Variants in MCTP1 observed in about 807,000 individuals in gnomAD.
The protein encoded by MCTP1 is multiple C2 and transmembrane domain-containing protein 1.
Under a neutral mutation model 120.6 loss-of-function variants are expected in MCTP1, and 69 were observed. The ratio of observed to expected loss-of-function variants is 0.57; its 90% CI spans 0.47 to 0.70. MCTP1 has a LOEUF of 0.70. MCTP1 is among the 30% of genes least tolerant of loss of function. MCTP1 has a pLI of 0.00. For synonymous variants in MCTP1, 529 were observed against 493.1 expected, an observed-to-expected ratio of 1.07 and a Z score of -0.96; for missense variants, 1,203 against 1,248.8, an observed-to-expected ratio of 0.96 and a Z score of 0.55.
chr5:94,737,766 C>T (rs1456609115), intron 19 of MCTP1, among the ~76,000 whole-genome samples: 2 of 152,202 alleles, frequency 1.3e-5, no homozygotes, highest in Non-Finnish European at 2.9e-5. Flanking sequence ...ACCTTTGCCT[C>T]TGGGGCTCAA....
intron 12 of MCTP1, among the ~76,000 whole-genome samples, chr5:94,886,446 T>C (rs1374508701): frequency 2.6e-5 from 4 of 152,206 alleles, no homozygotes. Flanking sequence ...TTTAACTTTA[T>C]GTTCAGATCA....
intron 1 of MCTP1, among the ~76,000 whole-genome samples, chr5:95,264,716 G>A (rs1053543503): frequency 3.3e-5 from 5 of 152,194 alleles, no homozygotes; most frequent in South Asian, 2.1e-4. Flanking sequence ...GACAGAGTGA[G>A]GGTCCAAATC....
chr5:94,853,428 T>C (rs940983384), intron 17 of MCTP1, among the ~76,000 whole-genome samples: 3 of 151,960 alleles, frequency 2.0e-5, no homozygotes, highest in Non-Finnish European at 2.9e-5. Context: ...TTTGCAGCTA[T>C]GATGTTTCAT....
chr5:94,871,918 G>A (rs991717831), intron 13 of MCTP1, among the ~76,000 whole-genome samples: 1 of 151,972 alleles, frequency 6.6e-6, no homozygotes, highest in Non-Finnish European at 1.5e-5. Flanking sequence ...CGTAGTTTCT[G>A]TTAGATTTAT....
chr5:94,826,762 G>T, intron 17 of MCTP1: 2 of 142,202 alleles, frequency 1.4e-5, no homozygotes, highest in South Asian at 1.9e-4. Context: ...GAGTAGGGTT[G>T]TGACCCCTGC....
intron 1 of MCTP1, among the ~76,000 whole-genome samples, chr5:95,179,350 C>T (rs369940578): frequency 6.6e-6 from 1 of 152,092 alleles, no homozygotes; most frequent in African/African-American, 2.4e-5. Context: ...AAATTCATTA[C>T]AAAAAGATCA....
intron 2 of MCTP1, among the ~76,000 whole-genome samples, chr5:94,977,576 A>G (rs1248862149): frequency 6.6e-6 from 1 of 152,150 alleles, no homozygotes; most frequent in Non-Finnish European, 1.5e-5. Flanking sequence ...AAAATATATT[A>G]CAAAGCTACA....
chr5:95,219,575 C>T (rs1005093850), intron 1 of MCTP1, among the ~76,000 whole-genome samples: 9 of 152,032 alleles, frequency 5.9e-5, no homozygotes, highest in Admixed American at 4.6e-4. Flanking sequence ...TTTAGGTCTC[C>T]ACTGCTACGA....
intron 1 of MCTP1, among the ~76,000 whole-genome samples, chr5:95,103,090 C>T (rs893458972): frequency 6.6e-6 from 1 of 151,768 alleles, no homozygotes; most frequent in Non-Finnish European, 1.5e-5. Context: ...ATATACTTAA[C>T]AAAGACTGTT....
At chr5:95,212,735 G>T (rs1371667580) in intron 1 of MCTP1, among the ~76,000 whole-genome samples, 1 of 151,826 alleles carries the variant, frequency 6.6e-6, no homozygotes, top group Non-Finnish European at 1.5e-5. Context: ...ATGTAATCCA[G>T]CATATAAACA....
chr5:94,763,754 C>T (rs1223056254), intron 19 of MCTP1, among the ~76,000 whole-genome samples: 4 of 152,102 alleles, frequency 2.6e-5, no homozygotes, highest in Non-Finnish European at 5.9e-5. Context: ...CAAAACAGTT[C>T]AACCTTTATC....
At chr5:95,074,185 C>A (rs562463274) in intron 1 of MCTP1, among the ~76,000 whole-genome samples, 1 of 152,234 alleles carries the variant, frequency 6.6e-6, no homozygotes, top group African/African-American at 2.4e-5. Context: ...ATCTCTCAGG[C>A]GTAGGCCTGG....
intron 19 of MCTP1, among the ~76,000 whole-genome samples, chr5:94,731,654 A>G (rs1321435865): frequency 6.6e-6 from 1 of 152,198 alleles, no homozygotes; most frequent in Non-Finnish European, 1.5e-5. Flanking sequence ...GTTGATAGAA[A>G]TTATTTTGAA....
At chr5:94,744,445 C>T (rs1766389798) in intron 19 of MCTP1, among the ~76,000 whole-genome samples, 1 of 152,186 alleles carries the variant, frequency 6.6e-6, no homozygotes, top group Non-Finnish European at 1.5e-5. Context: ...TCAAATCCTG[C>T]CCTGCTGGCG....
chr5:94,877,903 A>G (rs1032526990), intron 12 of MCTP1: 1 of 152,126 alleles, frequency 6.6e-6, no homozygotes, highest in Non-Finnish European at 1.5e-5. Flanking sequence ...CAAGTAGCAC[A>G]GTTTGCTGGA....
chr5:94,811,357 A>T (rs1167285639), intron 17 of MCTP1, among the ~76,000 whole-genome samples: 1 of 152,156 alleles, frequency 6.6e-6, no homozygotes, highest in East Asian at 1.9e-4. Context: ...CTTAAATGCA[A>T]TGGGGCTTGT....
intron 12 of MCTP1, among the ~76,000 whole-genome samples, chr5:94,879,973 GAT>G (rs1299135788): frequency 6.6e-6 from 1 of 152,030 alleles, no homozygotes; most frequent in African/African-American, 2.4e-5. Context: ...GAACCATATT[GAT>G]ATATGTTGGG....
intron 1 of MCTP1, among the ~76,000 whole-genome samples, chr5:95,239,343 T>C (rs1755911644): frequency 6.6e-6 from 1 of 152,192 alleles, no homozygotes. Flanking sequence ...CTCAATTTTC[T>C]GGAAAAATCT....
At chr5:95,156,921 A>G (rs1171432922) in intron 1 of MCTP1, among the ~76,000 whole-genome samples, 1 of 152,138 alleles carries the variant, frequency 6.6e-6, no homozygotes, top group Admixed American at 6.6e-5. Context: ...ATTAATTCAT[A>G]TTTTCTCATG....
Sources: gnomAD v4.1 joint callset for allele counts (sites outside exome capture counted in the v4.1 genomes callset) on GRCh38, gnomAD v4.1.1 for gene constraint, MANE v1.5 for transcripts, NCBI Gene and HGNC (gene_info 2026-07-23, HGNC 2026-07-21) for gene names.